Variants in TGFA observed in about 807,000 individuals in gnomAD.
The protein encoded by TGFA is protransforming growth factor alpha.
Under a neutral mutation model 21.7 loss-of-function variants are expected in TGFA, and 12 were observed. That is an observed-to-expected ratio of 0.55 (90% CI 0.35 to 0.90). TGFA has a LOEUF of 0.90. Ranked by LOEUF, TGFA falls within the 40% of genes least tolerant of loss-of-function variation. The pLI is 0.01. For missense variants in TGFA, 178 were observed against 210.8 expected (o/e 0.84, Z 0.96); for synonymous variants, 79 against 88.1 (o/e 0.90, Z 0.58).
chr2:70,482,308 A>G (rs1370592204), intron 2 of TGFA, among the ~76,000 whole-genome samples: 2 of 152,226 alleles, frequency 1.3e-5, no homozygotes, highest in Admixed American at 6.5e-5. Flanking sequence ...CAGATGAGGA[A>G]TACAGGTTTA....
intron 2 of TGFA, among the ~76,000 whole-genome samples, chr2:70,512,674 C>T (rs1672138705): frequency 6.6e-6 from 1 of 152,206 alleles, no homozygotes; most frequent in Non-Finnish European, 1.5e-5. Context: ...CACATCTGCC[C>T]AGCAGGGCCT....
intron 1 of TGFA, among the ~76,000 whole-genome samples, chr2:70,545,794 A>G (rs1254188771): frequency 6.6e-6 from 1 of 152,204 alleles, no homozygotes; most frequent in African/African-American, 2.4e-5. Context: ...TCAAAATACC[A>G]TAAACAAAAC....
intron 1 of TGFA, among the ~76,000 whole-genome samples, chr2:70,533,653 ATGTTAAC>A (rs759919024): frequency 4.2e-4 from 64 of 152,334 alleles, no homozygotes; most frequent in Admixed American, 2.7e-3. Context: ...TGTGTTAACT[ATGTTAAC>A]TGTTAACTGT....
At chr2:70,545,329 G>A (rs1574151589) in intron 1 of TGFA, among the ~76,000 whole-genome samples, 1 of 152,184 alleles carries the variant, frequency 6.6e-6, no homozygotes, top group African/African-American at 2.4e-5. Flanking sequence ...TAAACTGCTA[G>A]TAGGGCAGAA....
At chr2:70,470,827 A>T (rs1553493067) in intron 2 of TGFA, among the ~76,000 whole-genome samples, 1 of 152,198 alleles carries the variant, frequency 6.6e-6, no homozygotes, top group East Asian at 1.9e-4. Flanking sequence ...ATGCTAGTGG[A>T]TTATCATTAG....
chr2:70,527,744 T>C (rs927500589), intron 1 of TGFA, among the ~76,000 whole-genome samples: 1 of 152,192 alleles, frequency 6.6e-6, no homozygotes, highest in Non-Finnish European at 1.5e-5. Context: ...TCTCTGTGCT[T>C]TCTGCTCAAT....
chr2:70,500,029 C>A (rs1553498900), intron 2 of TGFA, among the ~76,000 whole-genome samples: 1 of 152,140 alleles, frequency 6.6e-6, no homozygotes, highest in Non-Finnish European at 1.5e-5. Context: ...CTTCAATAAA[C>A]AAGCAATACA....
intron 3 of TGFA, among the ~76,000 whole-genome samples, chr2:70,461,973 A>C (rs1670416155): frequency 6.6e-6 from 1 of 152,100 alleles, no homozygotes. Flanking sequence ...TTCTCTGGAA[A>C]CCTAAAGACT....
At chr2:70,490,010 T>C (rs1553497315) in intron 2 of TGFA, among the ~76,000 whole-genome samples, 1 of 152,188 alleles carries the variant, frequency 6.6e-6, no homozygotes, top group African/African-American at 2.4e-5. Context: ...GAGATAATGA[T>C]TTAATTGTTA....
At position 70,553,756 on chromosome 2, in the gene TGFA, C is replaced by A. The variant is rs368307715; in HGVS notation, c.12G>T (p.Ser4=). The A allele has an allele frequency of 1.2e-5, 16 of 1,294,620 alleles. No homozygotes were observed. The highest frequency in any genetic ancestry group is 1.6e-5 in the Non-Finnish European group (16 of 1,014,412). 80.2% of individuals were successfully genotyped at this position (1,294,620 alleles called of 1,614,324 possible). ...GAGCGAACAGGGCGAGCTGTCCAGC[C>A]GAGGGGACCATTTTACGGGCGGGCG... The part of the protein sequence containing the change: MVP[S]AGQLALFALG... Residue 4 remains serine, a synonymous_variant, in exon 1 of 6, where the codon TCG becomes TCT. Coordinates refer to ENST00000295400, the MANE Select transcript of TGFA (RefSeq NM_003236.4).
chr2:70,514,639 G>A (rs1468256820), intron 2 of TGFA, among the ~76,000 whole-genome samples: 3 of 152,154 alleles, frequency 2.0e-5, no homozygotes, highest in Admixed American at 2.0e-4. Context: ...GACACGTAGG[G>A]GAGGCCCCTG....
At chr2:70,488,375 A>C (rs1157377930) in intron 2 of TGFA, among the ~76,000 whole-genome samples, 2 of 152,224 alleles carry the variant, frequency 1.3e-5, no homozygotes. Context: ...TATTTAGTGC[A>C]TAAGACGTAT....
At chr2:70,524,502 C>T (rs538814213) in intron 1 of TGFA, among the ~76,000 whole-genome samples, 6 of 152,246 alleles carry the variant, frequency 3.9e-5, no homozygotes, top group Non-Finnish European at 5.9e-5. Context: ...CGAGTATCGC[C>T]GAGCCCTCTC....
At position 70,465,725 on chromosome 2, in the gene TGFA, C is replaced by T. The variant is rs147786817; in HGVS notation, c.106G>A (p.Val36Met). 6.2e-5 allele frequency: 100 copies of T among 1,614,000 alleles called. No individual in the cohort carries two copies. In the East Asian group the frequency reaches 1.1e-3, roughly 18 times the overall value. The change falls in exon 3 of 6, where the codon GTG becomes ATG. Residue 36 changes from valine to methionine, a missense_variant. Val to Met is a conservative substitution (Grantham distance 21, BLOSUM62 1). Coordinates refer to ENST00000295400, the MANE Select transcript of TGFA (RefSeq NM_003236.4). ...STSPLSADPP[V>M]AAAVVSHFND... ...AAATGGGACACCACTGCTGCAGCCA[C>T]GGGCGGGTCTGCTGGGGAGAGGAAA... is the stretch of plus-strand genomic sequence containing the variant.
intron 5 of TGFA, chr2:70,451,866 C>A: frequency 1.5e-6 from 1 of 654,088 alleles, no homozygotes; most frequent in Non-Finnish European, 2.7e-6. Context: ...ACTCAGTTTA[C>A]CCACATCGCT....
At chr2:70,536,812 T>G (rs1159577152) in intron 1 of TGFA, among the ~76,000 whole-genome samples, 2 of 152,224 alleles carry the variant, frequency 1.3e-5, no homozygotes, top group East Asian at 1.9e-4. Context: ...GCCAATTAAG[T>G]GCAAAGTAAA....
chr2:70,543,004 GAAGCAGGAGAATCGCTTGA>G (rs1237243387), intron 1 of TGFA, among the ~76,000 whole-genome samples: 93 of 152,002 alleles, frequency 6.1e-4, no homozygotes, highest in Non-Finnish European at 1.2e-3. Flanking sequence ...TTGGGAGGCT[GAAGCAGGAGAATCGCTTGA>G]ACCCGGGAGG....
At chr2:70,517,198 C>T (rs1672310089) in intron 1 of TGFA, among the ~76,000 whole-genome samples, 1 of 152,220 alleles carries the variant, frequency 6.6e-6, no homozygotes. Flanking sequence ...CCACGATGTT[C>T]CACAGATGAA....
At chr2:70,469,875 GA>G (rs782146393) in intron 2 of TGFA, among the ~76,000 whole-genome samples, 1 of 152,188 alleles carries the variant, frequency 6.6e-6, no homozygotes, top group Non-Finnish European at 1.5e-5. Flanking sequence ...ATCTGTTTTG[GA>G]ACACTTCTCT....
Sources: allele counts gnomAD v4.1 joint callset (sites outside exome capture counted in the v4.1 genomes callset), GRCh38; gene constraint gnomAD v4.1.1; transcripts MANE v1.5; gene names NCBI Gene and HGNC (gene_info 2026-07-23, HGNC 2026-07-21).